The following AP3D1 variants were observed in gnomAD, a reference collection of about 807,000 sequenced individuals.
The protein encoded by AP3D1 is AP-3 complex subunit delta-1.
In AP3D1, 51 loss-of-function variants were observed where a neutral mutation model predicts 147.6. The observed-to-expected ratio is 0.35, with a 90% CI of 0.28 to 0.44. The LOEUF is 0.44. Ranked by LOEUF, AP3D1 falls within the 20% of genes least tolerant of loss-of-function variation. AP3D1 has a pLI of 1.00. For synonymous variants in AP3D1, 760 were observed against 663.0 expected (o/e 1.15, Z -2.25); for missense variants, 1,421 against 1,624.2 (o/e 0.87, Z 2.15).
chr19:2,163,648 T>G (rs1222954579), intron 1 of AP3D1, among the ~76,000 whole-genome samples: 1 of 152,064 alleles, frequency 6.6e-6, no homozygotes, highest in Non-Finnish European at 1.5e-5. Flanking sequence ...GTCCTCCTCC[T>G]GGGACGGGAT....
At chr19:2,150,332 AGGGCTGCAC>A (rs1686146099) in intron 1 of AP3D1, among the ~76,000 whole-genome samples, 1 of 152,184 alleles carries the variant, frequency 6.6e-6, no homozygotes, top group African/African-American at 2.4e-5. Flanking sequence ...CCACTGCCCA[AGGGCTGCAC>A]GGGTATCCTT....
chr19:2,150,495 G>A (rs1479550644), intron 1 of AP3D1, among the ~76,000 whole-genome samples: 1 of 152,222 alleles, frequency 6.6e-6, no homozygotes, highest in Non-Finnish European at 1.5e-5. Flanking sequence ...CTGGCTTTCA[G>A]GTTCCTACTT....
At chr19:2,123,769 G>A in intron 10 of AP3D1, 61 bp downstream of exon 10, 6 of 1,538,214 alleles carry the variant, frequency 3.9e-6, no homozygotes, top group Non-Finnish European at 5.3e-6. Flanking sequence ...GCTCCCGCCT[G>A]TGGAAAGGTG....
rs2018219683 is a variant in AP3D1 at position 2,109,921 on chromosome 19, C to T, written c.3302G>A (p.Arg1101Lys). The change falls in exon 29 of 32, where the codon AGG becomes AAG. Residue 1101 changes from arginine (R) to lysine (K), a missense_variant. Arg to Lys is a conservative substitution (Grantham distance 26). Coordinates refer to ENST00000643116, the MANE Select transcript of AP3D1 (RefSeq NM_001261826.3). ...GTAGGAGCTGCAGCTGAAGTGCAGC[C>T]TGAAGTCCAGCTTCTCGTGGGTCGC... ...EGATHEKLDF[R>K]LHFSCSSYLI... 1.2e-6 allele frequency: 2 copies of T among 1,613,626 alleles called. No homozygotes were observed. Among genetic ancestry groups the T allele is most frequent in the African/African-American group, 2.7e-5 (2 of 74,864 alleles).
At chr19:2,110,628 C>G in intron 27 of AP3D1, 79 bp downstream of exon 27, 1 of 1,407,502 alleles carries the variant, frequency 7.1e-7, no homozygotes, top group South Asian at 1.4e-5. Context: ...GCAACAAGAA[C>G]CAGCGGATCC....
intron 1 of AP3D1, among the ~76,000 whole-genome samples, chr19:2,159,646 C>T (rs2019679437): frequency 6.6e-6 from 1 of 151,184 alleles, no homozygotes; most frequent in African/African-American, 2.4e-5. Context: ...CCTCGGCCTT[C>T]CAAAGTGCTG....
chr19:2,113,355 G>C lies in AP3D1; in HGVS notation c.2660C>G (p.Pro887Arg). The C allele has an allele frequency of 4.1e-6, 6 of 1,452,806 alleles. No homozygotes were observed. In the South Asian group the frequency reaches 8.5e-5, roughly 21 times the overall value. The allele number at this position is 1,452,806 out of a possible 1,614,324, so 90.0% of individuals were successfully genotyped here. ...TCTTACCGTGGATGGAACGGGGGCGGGGGCGGGGGCGGGGGCAGGCGGTGG... is the reference window on the plus strand; with the variant it reads ...TCTTACCGTGGATGGAACGGGGGCGCGGGCGGGGGCGGGGGCAGGCGGTGG... ...TTPPPAPAPA[P>R]APVPSTGELS... Residue 887 changes from proline (P) to arginine (R), a missense_variant, in exon 23 of 32, where the codon CCC becomes CGC. By Grantham distance (103) the Pro-to-Arg change is moderately radical. Coordinates refer to ENST00000643116, the MANE Select transcript of AP3D1 (RefSeq NM_001261826.3).
chr19:2,114,839 A>G lies in AP3D1; in HGVS notation c.2350-18T>C. The G allele has an allele frequency of 6.2e-7, 1 of 1,613,622 alleles. No individual in the cohort carries two copies. The highest frequency in any genetic ancestry group is 8.5e-7 in the Non-Finnish European group (1 of 1,179,692). The stretch of plus-strand genomic sequence containing the variant: ...AGAGCATTCTGACAGGAAGAGAGGA[A>G]CCCCATCACTGGAACCCGCCCTTGT... On this transcript the variant is annotated intron_variant, in intron 20 of 31. Coordinates refer to ENST00000643116, the MANE Select transcript of AP3D1 (RefSeq NM_001261826.3).
chr19:2,109,532 G>A, intron 29 of AP3D1: 1 of 488,804 alleles, frequency 2.0e-6, no homozygotes. Flanking sequence ...GACGGCCTGT[G>A]AGGACTCAGG....
intron 1 of AP3D1, chr19:2,164,184 C>T: frequency 8.1e-7 from 1 of 1,234,626 alleles, no homozygotes; most frequent in Non-Finnish European, 1.0e-6. Context: ...CGCGCGCGGA[C>T]ATGGGGGAGA....
chr19:2,156,757 G>A (rs1400776148), intron 1 of AP3D1, among the ~76,000 whole-genome samples: 1 of 152,162 alleles, frequency 6.6e-6, no homozygotes, highest in Non-Finnish European at 1.5e-5. Context: ...GCTGAGGCAG[G>A]AGAATCGCTT....
intron 1 of AP3D1, among the ~76,000 whole-genome samples, chr19:2,158,001 T>G (rs2019662095): frequency 6.6e-6 from 1 of 152,290 alleles, no homozygotes; most frequent in South Asian, 2.1e-4. Context: ...ATTTAGCAAC[T>G]ATGTTGTACC....
chr19:2,113,253 G>A (rs1246716535), intron 23 of AP3D1, 83 bp downstream of exon 23: 2 of 767,112 alleles, frequency 2.6e-6, no homozygotes. Context: ...CAGGGCCTCA[G>A]GAGACCCAGG....
At chr19:2,154,868 T>G (rs1359083008), upstream of AP3D1, among the ~76,000 whole-genome samples, 1 of 152,350 alleles carries the variant, frequency 6.6e-6, no homozygotes, top group South Asian at 2.1e-4. Flanking sequence ...CATGTCTGTT[T>G]AATGAAGCTG....
rs572030808 is a variant in AP3D1, at chr19:2,122,595, T to C, written c.956-716A>G. 3.3e-5 allele frequency among the ~76,000 whole-genome samples: 5 copies of C among 152,326 alleles called. No individual in the cohort carries two copies. The East Asian group carries it at 9.6e-4, about 29-fold the overall frequency. ...CGTCTGTGCCTATGGCGAAGTTCAG[T>C]GTGTACATTAGGCACAATAAGAAAT... On this transcript the variant is annotated intron_variant, in intron 11 of 31. Coordinates refer to ENST00000643116, the MANE Select transcript of AP3D1 (RefSeq NM_001261826.3).
chr19:2,112,547 T>C lies in AP3D1; in HGVS notation c.2787+313A>G, dbSNP rs903407389. 1.5e-5 allele frequency: 4 copies of C among 274,098 alleles called. No homozygotes were observed. The Admixed American group carries it at 1.5e-4, about 10-fold the overall frequency. 17.0% of individuals were successfully genotyped at this position (274,098 alleles called of 1,614,324 possible). On this transcript the variant is annotated intron_variant, in intron 24 of 31. Transcript: ENST00000643116. ...TAACGGCTGGTGGGAATGGAGCTTC[T>C]TTAGGGGTCATGGAAAGTTCTGGAA...
rs145112841 is a variant in AP3D1, at chr19:2,116,792, C to T, written c.1860-46G>A. ...ACACAAGGCAGTGTGTGACCGAGCA[C>T]GCGCCTGCAGGCGTCCGCCCTGAGC... On this transcript the variant is annotated intron_variant, in intron 16 of 31. Coordinates refer to ENST00000643116, the MANE Select transcript of AP3D1 (RefSeq NM_001261826.3). 8,364 of 1,552,836 alleles carry T rather than the reference C, an allele frequency of 5.4e-3. 45 individuals are homozygous for T. Among genetic ancestry groups the T allele is most frequent in the Non-Finnish European group, 6.8e-3 (7,794 of 1,148,086 alleles).
At chr19:2,125,585 C>T (rs1248636695) in intron 9 of AP3D1, among the ~76,000 whole-genome samples, 1 of 152,166 alleles carries the variant, frequency 6.6e-6, no homozygotes, top group African/African-American at 2.4e-5. Context: ...TCCCAAAGTG[C>T]TGGGATTACA....
At chr19:2,112,592 G>A in intron 24 of AP3D1, 1 of 372,920 alleles carries the variant, frequency 2.7e-6, no homozygotes, top group South Asian at 6.2e-5. Context: ...GGTGATGATG[G>A]TTGCACAACT....
Sources: allele counts gnomAD v4.1 joint callset (sites outside exome capture counted in the v4.1 genomes callset), GRCh38; gene constraint gnomAD v4.1.1; transcripts MANE v1.5; gene names NCBI Gene and HGNC (gene_info 2026-07-23, HGNC 2026-07-21).